The following AFG1L variants were observed in gnomAD, a reference collection of about 807,000 sequenced individuals.
AFG1L encodes the protein AFG1 like ATPase.
In AFG1L, 53 loss-of-function variants were observed where a neutral mutation model predicts 62.2. The observed-to-expected ratio is 0.85, with a 90% CI of 0.68 to 1.07. The LOEUF is 1.07. Among genes scored for constraint, AFG1L ranks in the 50% least tolerant of loss-of-function variants. AFG1L has a pLI of 0.00. For synonymous variants in AFG1L, 228 were observed against 210.3 expected (o/e 1.08, Z -0.73); for missense variants, 555 against 590.5 (o/e 0.94, Z 0.62).
At chr6:108,405,862 T>G (rs1361223947) in intron 7 of AFG1L, among the ~76,000 whole-genome samples, 1 of 152,266 alleles carries the variant, frequency 6.6e-6, no homozygotes, top group East Asian at 1.9e-4. Context: ...AGATACTTCA[T>G]GTAAGTGGAA....
chr6:108,316,238 G>A (rs1245991303), intron 1 of AFG1L, among the ~76,000 whole-genome samples: 6 of 149,126 alleles, frequency 4.0e-5, no homozygotes, highest in Admixed American at 1.3e-4. Context: ...AAAATTAGCC[G>A]GGCGTAGTGG....
intron 10 of AFG1L, among the ~76,000 whole-genome samples, chr6:108,509,411 A>G (rs1247084758): frequency 6.6e-6 from 1 of 152,208 alleles, no homozygotes; most frequent in Admixed American, 6.5e-5. Context: ...ATTAAACTAA[A>G]AATAATTTCT....
At chr6:108,507,168 C>CT (rs1252148760) in intron 10 of AFG1L, among the ~76,000 whole-genome samples, 1 of 151,892 alleles carries the variant, frequency 6.6e-6, no homozygotes, top group East Asian at 1.9e-4. Context: ...GTTTGAATGA[C>CT]TTTTTTTTAA....
chr6:108,415,494 G>T (rs2114671781), intron 7 of AFG1L, among the ~76,000 whole-genome samples: 1 of 152,292 alleles, frequency 6.6e-6, no homozygotes, highest in South Asian at 2.1e-4. Context: ...CAAAGCTGGA[G>T]GCATCACGCT....
intron 8 of AFG1L, among the ~76,000 whole-genome samples, chr6:108,459,100 G>A (rs1306400985): frequency 6.6e-6 from 1 of 152,072 alleles, no homozygotes; most frequent in Admixed American, 6.6e-5. Flanking sequence ...GAGCTCCAGG[G>A]GTAATGCTTT....
rs187313394 is a variant in AFG1L, at chr6:108,300,818, G to A, written c.139+5600G>A. ...CTCCTGAGCAGCTGGGACTACAGGC[G>A]CACGCCATCACGCCTGGCTAATTTT... On this transcript the variant is annotated intron_variant, in intron 1 of 12. Transcript: ENST00000368977. Among the ~76,000 whole-genome samples the A allele has an allele frequency of 1.0e-3, 153 of 151,984 alleles. 1 individual carries two copies. In the East Asian group the frequency reaches 0.012, roughly 12 times the overall value.
chr6:108,420,826 A>G (rs1295134754), intron 7 of AFG1L, among the ~76,000 whole-genome samples: 1 of 152,166 alleles, frequency 6.6e-6, no homozygotes, highest in South Asian at 2.1e-4. Flanking sequence ...TTAGGACTTG[A>G]ATTCTCTTCT....
chr6:108,482,675 G>A (rs1773372539), intron 10 of AFG1L, among the ~76,000 whole-genome samples: 1 of 152,088 alleles, frequency 6.6e-6, no homozygotes, highest in Admixed American at 6.6e-5. Context: ...GATCTTGACA[G>A]TTTTGAGGAG....
In AFG1L at chr6:108,514,284, G is replaced by C. The variant is rs184700883; in HGVS notation, c.1203+3932G>C. ...GTTATCCACAAAGGGAAGCCCATCA[G>C]ACTAACAGTGGATCTCTTGGCAGAA... On this transcript the variant is annotated intron_variant, in intron 11 of 12. Coordinates refer to ENST00000368977, the MANE Select transcript of AFG1L (RefSeq NM_145315.5). Among the ~76,000 whole-genome samples, 3 of 152,236 alleles carry C rather than the reference G, an allele frequency of 2.0e-5. No homozygotes were observed. The East Asian group carries it at 5.8e-4, about 29-fold the overall frequency.
At chr6:108,320,300 G>C (rs1296042137) in intron 1 of AFG1L, among the ~76,000 whole-genome samples, 1 of 152,124 alleles carries the variant, frequency 6.6e-6, no homozygotes, top group Non-Finnish European at 1.5e-5. Flanking sequence ...GTGGCCCGCC[G>C]GTCAAAGCTG....
intron 2 of AFG1L, among the ~76,000 whole-genome samples, chr6:108,345,213 G>A (rs993079316): frequency 1.3e-5 from 2 of 150,578 alleles, no homozygotes; most frequent in East Asian, 2.0e-4. Context: ...CTCAAACTCC[G>A]GGGCTCAAGC....
intron 7 of AFG1L, among the ~76,000 whole-genome samples, chr6:108,410,967 T>C (rs1782074692): frequency 6.6e-6 from 1 of 152,058 alleles, no homozygotes; most frequent in Non-Finnish European, 1.5e-5. Context: ...GGGTGGGGCA[T>C]TGCCTCACCC....
At chr6:108,303,649 A>G (rs570052779) in intron 1 of AFG1L, among the ~76,000 whole-genome samples, 137 of 152,110 alleles carry the variant, frequency 9.0e-4, no homozygotes, top group African/African-American at 3.3e-3. Flanking sequence ...ATCTATCCAT[A>G]CTCTTGACCA....
rs183367445 is a variant in AFG1L, at chr6:108,399,211, C to T, written c.749-2785C>T. 7.4e-4 allele frequency among the ~76,000 whole-genome samples: 68 copies of T among 92,368 alleles called. 2 individuals carry two copies. The East Asian group carries it at 0.021, about 28-fold the overall frequency. The allele number at this position is 92,368 out of a possible 152,430, so 60.6% of individuals were successfully genotyped here. A position where few individuals can be genotyped will look rare whatever the true frequency, so the allele number is the denominator to read the frequency against. On this transcript the variant is annotated intron_variant, in intron 6 of 12. Coordinates refer to ENST00000368977, the MANE Select transcript of AFG1L (RefSeq NM_145315.5). ...TTTTTTTTTTTTTTTTTTTTTGAGACGGAGTCTCACTCTGTCGCCAGGCTG... is the reference window on the plus strand; with the variant it reads ...TTTTTTTTTTTTTTTTTTTTTGAGATGGAGTCTCACTCTGTCGCCAGGCTG...
intron 11 of AFG1L, 103 bp from the exon 12 acceptor site, chr6:108,519,594 G>A (rs1420306416): frequency 3.1e-6 from 2 of 654,108 alleles, no homozygotes; most frequent in African/African-American, 3.6e-5. Flanking sequence ...AAAGATCCAA[G>A]CTCCTGTATG....
chr6:108,519,973 G>C (rs571748596), intron 12 of AFG1L, 163 bp downstream of exon 12: 1 of 464,326 alleles, frequency 2.2e-6, no homozygotes, highest in Non-Finnish European at 3.9e-6. Context: ...CAATATCACT[G>C]AATATAGAAA....
intron 6 of AFG1L, among the ~76,000 whole-genome samples, chr6:108,381,465 G>A (rs1780517165): frequency 6.6e-6 from 1 of 151,954 alleles, no homozygotes; most frequent in South Asian, 2.1e-4. Context: ...TACTTGGGAG[G>A]CTGAGGCAGG....
intron 6 of AFG1L, among the ~76,000 whole-genome samples, chr6:108,395,834 GAGAT>G (rs977084204): frequency 2.0e-5 from 3 of 150,958 alleles, no homozygotes; most frequent in East Asian, 2.0e-4. Flanking sequence ...GAGAGGGAGA[GAGAT>G]AGAGAGAGAG....
intron 10 of AFG1L, among the ~76,000 whole-genome samples, chr6:108,482,973 A>G (rs938589408): frequency 1.3e-5 from 2 of 152,036 alleles, no homozygotes; most frequent in African/African-American, 4.8e-5. Flanking sequence ...TTGAGTTTTC[A>G]TGTAGCATCA....
Sources: allele counts gnomAD v4.1 joint callset (sites outside exome capture counted in the v4.1 genomes callset), GRCh38; gene constraint gnomAD v4.1.1; transcripts MANE v1.5; gene names NCBI Gene and HGNC (gene_info 2026-07-23, HGNC 2026-07-21).